PLA2G2C: variants seen among roughly 807,000 people sequenced by gnomAD.
PLA2G2C encodes phospholipase A2 group IIC.
A neutral mutation model predicts 14.3 loss-of-function variants in PLA2G2C; 15 were observed. That is an observed-to-expected ratio of 1.05 (90% confidence interval 0.70 to 1.62). The LOEUF is 1.62. Among genes scored for constraint, PLA2G2C ranks in the 40% most tolerant of loss-of-function variants. The probability of loss-of-function intolerance (pLI) is 0.00; values close to 1 mark genes in which losing one functional copy is unlikely to be tolerated. For synonymous variants in PLA2G2C, 79 were observed against 67.7 expected, an observed-to-expected ratio of 1.17 and a Z score of -0.82; for missense variants, 162 against 173.2, an observed-to-expected ratio of 0.94 and a Z score of 0.36.
At chr1:20,181,128 C>T (rs1184117557) in intron 1 of PLA2G2C, among the ~76,000 whole-genome samples, 1 of 152,208 alleles carries the variant, frequency 6.6e-6, no homozygotes, top group African/African-American at 2.4e-5. Context: ...TATTTACTCA[C>T]TAAATCTTCA....
chr1:20,182,182 G>A (rs1011017342), intron 1 of PLA2G2C, among the ~76,000 whole-genome samples: 1 of 152,146 alleles, frequency 6.6e-6, no homozygotes. Context: ...AAAAGCTGTG[G>A]TACAGTCATG....
intron 4 of PLA2G2C, among the ~76,000 whole-genome samples, chr1:20,165,184 G>T (rs1328331285): frequency 6.6e-6 from 1 of 152,144 alleles, no homozygotes; most frequent in Non-Finnish European, 1.5e-5. Context: ...GCTCTGTCTT[G>T]TCTCTGGGCC....
At chr1:20,169,149 G>A (rs181717623) in intron 4 of PLA2G2C, among the ~76,000 whole-genome samples, 3 of 152,354 alleles carry the variant, frequency 2.0e-5, no homozygotes, top group East Asian at 3.9e-4. Context: ...GAATGGAGGT[G>A]CAATTAGGAT....
chr1:20,173,637 C>A (rs151218483), intron 3 of PLA2G2C, among the ~76,000 whole-genome samples: 2 of 152,228 alleles, frequency 1.3e-5, no homozygotes, highest in Admixed American at 6.5e-5. Flanking sequence ...CCATTCATGG[C>A]ACCCAGAGTT....
chr1:20,163,724 G>A lies in PLA2G2C; in HGVS notation c.*267C>T. ...ATGTGTCTCTTACTTCTATATCCAT[G>A]CATTTGTAGTCCTCCCCACTCCACA... On this transcript the variant is annotated 3_prime_UTR_variant, in exon 5 of 5. Transcript: ENST00000679259. 1 of 438,550 alleles carries A rather than the reference G, an allele frequency of 2.3e-6. No homozygotes were observed. Among genetic ancestry groups the A allele is most frequent in the South Asian group, 3.1e-5 (1 of 31,756 alleles). The allele number at this position is 438,550 out of a possible 1,614,324, so 27.2% of individuals were successfully genotyped here. A position where few individuals can be genotyped will look rare whatever the true frequency, so the allele number is the denominator to read the frequency against.
chr1:20,180,691 T>G (rs2018265182), intron 1 of PLA2G2C, among the ~76,000 whole-genome samples: 1 of 152,222 alleles, frequency 6.6e-6, no homozygotes, highest in Non-Finnish European at 1.5e-5. Context: ...GTTCTCTCCA[T>G]TTGACAAGTC....
Position 20,175,024 on chromosome 1 carries a change from G to C in PLA2G2C, c.162C>G (p.Pro54=). The change falls in exon 3 of 5, where the codon CCC becomes CCG. Residue 54 remains proline (P), a synonymous_variant. Coordinates refer to ENST00000679259, the MANE Select transcript of PLA2G2C (RefSeq NM_001367969.2). The part of the protein sequence containing the change: ...CYCGLGDKGI[P]VDDTDRHSPS... ...GCACCCACCTGTCAGTGTCATCCAC[G>C]GGGATCCCTTTATCCCCAAGCCCAC... The C allele has an allele frequency of 6.2e-7, 1 of 1,613,636 alleles. No homozygotes were observed. Among genetic ancestry groups the C allele is most frequent in the Non-Finnish European group, 8.5e-7 (1 of 1,179,744 alleles).
At chr1:20,176,214 C>G (rs889498106) in intron 2 of PLA2G2C, among the ~76,000 whole-genome samples, 2 of 152,022 alleles carry the variant, frequency 1.3e-5, no homozygotes, top group Non-Finnish European at 2.9e-5. Context: ...CAACCGCGCC[C>G]GGCCCAGCAT....
At chr1:20,181,920 G>A (rs75977234) in intron 1 of PLA2G2C, among the ~76,000 whole-genome samples, 2,920 of 152,252 alleles carry the variant, frequency 0.019, 44 homozygotes, top group Non-Finnish European at 0.032. Context: ...TCAAAGAAGA[G>A]GGCTGGAGTT....
Position 20,183,342 on chromosome 1 carries a change from G to A in PLA2G2C, c.-77+3018C>T, listed in dbSNP as rs142612007. Among the ~76,000 whole-genome samples, 955 of 152,274 alleles carry A rather than the reference G, an allele frequency of 6.3e-3. 10 individuals carry two copies. The highest frequency in any genetic ancestry group is 0.01 in the Middle Eastern group (3 of 294). ...CAGAGGCCATGCCTGCAGTCCCCACGACCAGTGCAACGGACAGCACAGATA... is the reference window on the plus strand; with the variant it reads ...CAGAGGCCATGCCTGCAGTCCCCACAACCAGTGCAACGGACAGCACAGATA... On this transcript the variant is annotated intron_variant, in intron 1 of 4. Coordinates refer to ENST00000679259, the MANE Select transcript of PLA2G2C (RefSeq NM_001367969.2).
intron 1 of PLA2G2C, among the ~76,000 whole-genome samples, chr1:20,179,379 C>G (rs1010723642): frequency 6.6e-6 from 1 of 151,572 alleles, no homozygotes; most frequent in Admixed American, 6.6e-5. Context: ...TCAGCTTCTA[C>G]CTCTGTGTCA....
At chr1:20,179,136 G>A (rs1278883901) in intron 1 of PLA2G2C, among the ~76,000 whole-genome samples, 1 of 152,216 alleles carries the variant, frequency 6.6e-6, no homozygotes, top group Non-Finnish European at 1.5e-5. Flanking sequence ...GCTCTGAAAG[G>A]CGGTCCCAGC....
chr1:20,178,126 C>G (rs1305570551), intron 1 of PLA2G2C, among the ~76,000 whole-genome samples: 1 of 152,164 alleles, frequency 6.6e-6, no homozygotes, highest in Admixed American at 6.5e-5. Context: ...TTTGTACTAT[C>G]AAATGCAGTC....
At chr1:20,172,514 G>A (rs1349547606) in intron 4 of PLA2G2C, among the ~76,000 whole-genome samples, 3 of 152,198 alleles carry the variant, frequency 2.0e-5, no homozygotes, top group African/African-American at 7.2e-5. Context: ...GAAGCTTCAA[G>A]ATTAGCTCAA....
intron 4 of PLA2G2C, 22 bp downstream of exon 4, chr1:20,172,772 C>T: frequency 6.3e-7 from 1 of 1,592,874 alleles, no homozygotes; most frequent in Non-Finnish European, 8.6e-7. Context: ...AAAGACATTT[C>T]CATACAGAAA....
At chr1:20,175,744 C>T (rs1339697304) in intron 2 of PLA2G2C, among the ~76,000 whole-genome samples, 1 of 152,110 alleles carries the variant, frequency 6.6e-6, no homozygotes, top group Non-Finnish European at 1.5e-5. Flanking sequence ...TGTCCACCGA[C>T]AGGGGGATAA....
chr1:20,175,028 A>T lies in PLA2G2C; in HGVS notation c.158T>A (p.Ile53Asn). 6.2e-7 allele frequency: 1 copy of T among 1,613,572 alleles called. No individual in the cohort carries two copies. The highest frequency in any genetic ancestry group is 8.5e-7 in the Non-Finnish European group (1 of 1,179,742). Residue 53 changes from isoleucine to asparagine, a missense_variant, in exon 3 of 5, where the codon ATC (isoleucine) becomes AAC (asparagine). Coordinates refer to ENST00000679259, the MANE Select transcript of PLA2G2C (RefSeq NM_001367969.2). ...CCACCTGTCAGTGTCATCCACGGGG[A>T]TCCCTTTATCCCCAAGCCCACAGTA... ...GCYCGLGDKG[I>N]PVDDTDRHSP... is the part of the protein sequence containing the mutation.
rs779026370 is a variant in PLA2G2C at position 20,172,805 on chromosome 1, C to G, written c.272G>C (p.Gly91Ala). The G allele has an allele frequency of 6.2e-7, 1 of 1,613,502 alleles. No homozygotes were observed. The highest frequency in any genetic ancestry group is 2.2e-5 in the East Asian group (1 of 44,846). Reference protein sequence around the residue: ...LNSYQFHIVNGAVVCGCTLGP... With the variant: ...LNSYQFHIVNAAVVCGCTLGP... ...AAAAGGCTACTCACAAACCACTGCG[C>G]CATTGACGATGTGGAACTGGTAGCT... The change falls in exon 4 of 5, where the codon GGC becomes GCC. Residue 91 changes from glycine (G) to alanine (A), a missense_variant. Gly to Ala is a moderately conservative substitution (Grantham distance 60). Transcript: ENST00000679259.
chr1:20,178,713 A>G (rs1164256473), intron 1 of PLA2G2C, among the ~76,000 whole-genome samples: 1 of 152,236 alleles, frequency 6.6e-6, no homozygotes, highest in Non-Finnish European at 1.5e-5. Flanking sequence ...TAGAGAAACA[A>G]AGAAAGGGAC....
Sources: gnomAD v4.1 joint callset for allele counts (sites outside exome capture counted in the v4.1 genomes callset) on GRCh38, gnomAD v4.1.1 for gene constraint, MANE v1.5 for transcripts, NCBI Gene and HGNC (gene_info 2026-07-23, HGNC 2026-07-21) for gene names.